HDAC9: variants seen among roughly 807,000 people sequenced by gnomAD.
HDAC9 encodes histone deacetylase 9, also known as MEF-2 interacting transcription repressor (MITR) protein.
HDAC9 carries 41 observed loss-of-function variants against 139.4 expected under a neutral mutation model. The observed-to-expected ratio is 0.29, with a 90% confidence interval of 0.23 to 0.38. The LOEUF (loss-of-function observed/expected upper bound fraction) is 0.38, where lower values mean the gene tolerates loss of function less well. Ranked by LOEUF, HDAC9 falls within the 10% of genes least tolerant of loss-of-function variation. The pLI, the probability that HDAC9 is intolerant of heterozygous loss-of-function variation, is 1.00. For synonymous variants in HDAC9, 517 were observed against 476.2 expected, an observed-to-expected ratio of 1.09 and a Z score of -1.12; for missense variants, 1,147 against 1,297.0, an observed-to-expected ratio of 0.88 and a Z score of 1.78.
intron 2 of HDAC9, among the ~76,000 whole-genome samples, chr7:18,567,675 G>A (rs1341874316): frequency 1.3e-5 from 2 of 151,900 alleles, no homozygotes; most frequent in African/African-American, 2.4e-5. Flanking sequence ...ACAACATTTG[G>A]GTAAATATTT....
At chr7:18,162,500 G>C in intron 2 of HDAC9, 1 of 667,464 alleles carries the variant, frequency 1.5e-6, no homozygotes, top group Non-Finnish European at 2.5e-6. Flanking sequence ...TTTTGCATTC[G>C]ATAGCTAATT....
intron 6 of HDAC9, among the ~76,000 whole-genome samples, chr7:18,616,161 C>G (rs1371202134): frequency 2.6e-5 from 4 of 152,156 alleles, no homozygotes; most frequent in Non-Finnish European, 5.9e-5. Flanking sequence ...CCAAGTTAAT[C>G]TTTTTTAAGT....
Position 18,442,005 on chromosome 7 carries a change from C to G in HDAC9, c.-41-54257C>G, listed in dbSNP as rs527419026. ...CAGGATGGTCTCGATCTCCTGACCT[C>G]GTGATCTGCCCGCCTCAGCCTCCCA... On this transcript the variant is annotated intron_variant, in intron 1 of 3. Coordinates refer to the HDAC9 transcript ENST00000413509. Among the ~76,000 whole-genome samples the G allele has an allele frequency of 2.6e-5, 4 of 152,182 alleles. No individual in the cohort carries two copies. In the East Asian group the frequency reaches 7.7e-4, roughly 29 times the overall value.
At chr7:18,681,554 T>C (rs1781890473) in intron 12 of HDAC9, among the ~76,000 whole-genome samples, 1 of 152,038 alleles carries the variant, frequency 6.6e-6, no homozygotes, top group South Asian at 2.1e-4. Flanking sequence ...CAATAAGGAC[T>C]TCTGCCTAAA....
At chr7:18,816,202 A>G (rs1428427322) in intron 17 of HDAC9, among the ~76,000 whole-genome samples, 3 of 152,218 alleles carry the variant, frequency 2.0e-5, no homozygotes, top group Non-Finnish European at 2.9e-5. Flanking sequence ...CAAAACAACT[A>G]TCTACAATCT....
At chr7:18,734,933 C>A (rs2129137387) in intron 13 of HDAC9, among the ~76,000 whole-genome samples, 1 of 152,332 alleles carries the variant, frequency 6.6e-6, no homozygotes, top group Admixed American at 6.5e-5. Context: ...GCTATTCTAA[C>A]TGGTGTGAAA....
intron 1 of HDAC9, among the ~76,000 whole-genome samples, chr7:18,387,237 C>T (rs565870436): frequency 6.6e-6 from 1 of 152,192 alleles, no homozygotes; most frequent in Non-Finnish European, 1.5e-5. Context: ...CCACAGCTTT[C>T]TGTCCATCAC....
At chr7:18,534,840 G>A (rs1284651495) in intron 2 of HDAC9, among the ~76,000 whole-genome samples, 1 of 152,164 alleles carries the variant, frequency 6.6e-6, no homozygotes, top group Non-Finnish European at 1.5e-5. Context: ...GAAAAGAAGG[G>A]TAGTAAATAC....
chr7:18,842,433 G>GT (rs1562981162), intron 21 of HDAC9, among the ~76,000 whole-genome samples: 1 of 151,972 alleles, frequency 6.6e-6, no homozygotes, highest in African/African-American at 2.4e-5. Flanking sequence ...ATCAATCTTA[G>GT]TAACAAAGCA....
chr7:18,260,947 G>A (rs1028352329), intron 2 of HDAC9, among the ~76,000 whole-genome samples: 16 of 152,082 alleles, frequency 1.1e-4, no homozygotes, highest in African/African-American at 3.9e-4. Context: ...CAACAGATCC[G>A]GCCATAGAAT....
At chr7:18,280,527 G>A (rs1283330488) in intron 2 of HDAC9, among the ~76,000 whole-genome samples, 1 of 151,834 alleles carries the variant, frequency 6.6e-6, no homozygotes. Flanking sequence ...GGCGGAGGTT[G>A]CATTGAGCCA....
intron 1 of HDAC9, among the ~76,000 whole-genome samples, chr7:18,470,142 C>T (rs1458123143): frequency 6.6e-6 from 1 of 151,938 alleles, no homozygotes; most frequent in African/African-American, 2.4e-5. Context: ...GTTCGAGACC[C>T]TGTCTTTACC....
In HDAC9 at chr7:18,087,646, A is replaced by G. The variant is rs139989715; in HGVS notation, c.-97+433A>G. On this transcript the variant is annotated intron_variant, in intron 1 of 12. Coordinates refer to the HDAC9 transcript ENST00000417496. ...GACTTCAGTTTTAAGTCAATACATCAGAATCCTGGGTTTTAAGAAAAGTTC... is the reference window on the plus strand; with the variant it reads ...GACTTCAGTTTTAAGTCAATACATCGGAATCCTGGGTTTTAAGAAAAGTTC... 3.7e-3 allele frequency among the ~76,000 whole-genome samples: 559 copies of G among 152,352 alleles called. 6 individuals carry two copies. The highest frequency in any genetic ancestry group is 0.013 in the African/African-American group (528 of 41,578).
intron 1 of HDAC9, among the ~76,000 whole-genome samples, chr7:18,353,184 C>T (rs1165655472): frequency 6.6e-6 from 1 of 152,110 alleles, no homozygotes; most frequent in South Asian, 2.1e-4. Flanking sequence ...TTTTCTTCAG[C>T]ACTATCTAGC....
intron 1 of HDAC9, among the ~76,000 whole-genome samples, chr7:18,329,345 G>A (rs1189002545): frequency 6.6e-6 from 1 of 151,722 alleles, no homozygotes; most frequent in Non-Finnish European, 1.5e-5. Flanking sequence ...AAGTTGGTGA[G>A]TTGATAGGTA....
chr7:18,575,043 G>T (rs1243272286), intron 2 of HDAC9, among the ~76,000 whole-genome samples: 7 of 152,232 alleles, frequency 4.6e-5, no homozygotes, highest in Non-Finnish European at 1.0e-4. Context: ...CACTGCAGCT[G>T]GTGTCATGGC....
chr7:18,316,140 G>T (rs531067212), intron 1 of HDAC9, among the ~76,000 whole-genome samples: 2 of 152,218 alleles, frequency 1.3e-5, no homozygotes, highest in East Asian at 3.9e-4. Context: ...TGCAGACACT[G>T]ATTCATTTTA....
intron 2 of HDAC9, among the ~76,000 whole-genome samples, chr7:18,512,187 T>C (rs781618500): frequency 6.6e-6 from 1 of 152,168 alleles, no homozygotes; most frequent in Non-Finnish European, 1.5e-5. Flanking sequence ...AATGGTAAAA[T>C]TAAAATACAT....
chr7:18,319,334 A>G (rs959249750), intron 1 of HDAC9, among the ~76,000 whole-genome samples: 2 of 152,346 alleles, frequency 1.3e-5, no homozygotes, highest in South Asian at 2.1e-4. Context: ...AACATAAACT[A>G]TAAAGCCAAA....
Sources: gnomAD v4.1 joint callset for allele counts (sites outside exome capture counted in the v4.1 genomes callset) on GRCh38, gnomAD v4.1.1 for gene constraint, MANE v1.5 for transcripts, NCBI Gene and HGNC (gene_info 2026-07-23, HGNC 2026-07-21) for gene names.